The following MUC6 variants were observed in gnomAD, a reference collection of about 807,000 sequenced individuals.
MUC6 encodes the protein mucin 6, oligomeric mucus/gel-forming (gene/pseudogene).
A neutral mutation model predicts 201.5 loss-of-function variants in MUC6; 188 were observed. The observed-to-expected ratio is 0.93, with a 90% confidence interval of 0.83 to 1.05. The LOEUF is 1.05. Ranked by LOEUF, MUC6 falls within the 50% of genes least tolerant of loss-of-function variation. The pLI, the probability that MUC6 is intolerant of heterozygous loss-of-function variation, is 0.00. For missense variants in MUC6, 2,706 were observed against 3,256.9 expected (o/e 0.83, Z 4.12); for synonymous variants, 1,228 against 1,389.4 (o/e 0.88, Z 2.58).
intron 2 of MUC6, 138 bp downstream of exon 2, chr11:1,032,875 G>A: frequency 1.5e-6 from 1 of 668,300 alleles, no homozygotes; most frequent in South Asian, 2.0e-5. Context: ...GGGTGTATGT[G>A]CATGTGTGTT....
In MUC6 at chr11:1,029,040, C is replaced by A; in HGVS notation, c.1380+6G>T. 1.2e-6 allele frequency: 2 copies of A among 1,612,820 alleles called. No homozygotes were observed. Among genetic ancestry groups the A allele is most frequent in the Non-Finnish European group, 1.7e-6 (2 of 1,179,808 alleles). On this transcript the variant is annotated splice_donor_region_variant and intron_variant, in intron 11 of 32. Coordinates refer to ENST00000421673, the MANE Select transcript of MUC6 (RefSeq NM_005961.3). The stretch of plus-strand genomic sequence containing the variant: ...CTGGCAGGGATGGGCGCAGGAAAGG[C>A]CTTACCTGCCTGGAGAGGTAGACCA...
intron 21 of MUC6, 41 bp from the exon 22 acceptor site, chr11:1,025,956 G>A: frequency 6.3e-7 from 1 of 1,594,340 alleles, no homozygotes. Flanking sequence ...TGGAGGCCGT[G>A]CCTCTGGGTC....
rs1590053749 is a variant in MUC6 at position 1,030,428 on chromosome 11, C to T, written c.893-93G>A. On this transcript the variant is annotated intron_variant, in intron 7 of 32. Coordinates refer to ENST00000421673, the MANE Select transcript of MUC6 (RefSeq NM_005961.3). The stretch of plus-strand genomic sequence containing the variant: ...TGATGGAGGACTTAGCCCAGCCCTT[C>T]CTCCATCTAGAAGCAGCAGCGAGGA... The T allele has an allele frequency of 1.2e-5, 17 of 1,441,122 alleles. No homozygotes were observed. In the African/African-American group the frequency reaches 1.6e-4, roughly 13 times the overall value. 89.3% of individuals were successfully genotyped at this position (1,441,122 alleles called of 1,614,324 possible). A position where few individuals can be genotyped will look rare whatever the true frequency, so the allele number is the denominator to read the frequency against.
Position 1,031,659 on chromosome 11 carries a change from T to C in MUC6, c.431A>G (p.Lys144Arg), listed in dbSNP as rs770096962. 4.5e-6 allele frequency: 7 copies of C among 1,550,744 alleles called. No homozygotes were observed. In the Admixed American group the frequency reaches 1.4e-4, roughly 30 times the overall value. The change falls in exon 4 of 33, where the codon AAG (lysine) becomes AGG (arginine). Residue 144 changes from lysine (K) to arginine (R), a missense_variant. By Grantham distance (26) the Lys-to-Arg change is conservative. Coordinates refer to ENST00000421673, the MANE Select transcript of MUC6 (RefSeq NM_005961.3). ...PFGQSVRLVA[K>R]QLELELEVVW... ...GACTTCCAGCTCCAGCTCCAGCTGC[T>C]TGGCCACCAGCCGCACGCTCTGGCC...
chr11:1,022,119 G>C (rs12276666), intron 26 of MUC6, among the ~76,000 whole-genome samples: 3 of 118,796 alleles, frequency 2.5e-5, no homozygotes, highest in African/African-American at 3.7e-5. Context: ...GCAGCCCCGC[G>C]CCCCTCACTC....
At chr11:1,025,493 C>G in intron 22 of MUC6, 126 bp from the exon 23 acceptor site, 5 of 1,162,660 alleles carry the variant, frequency 4.3e-6, no homozygotes, top group Non-Finnish European at 6.0e-6. Flanking sequence ...GGAGCGCCTG[C>G]TGAGAGCCAG....
Position 1,029,231 on chromosome 11 carries a change from G to C in MUC6, c.1272C>G (p.Leu424=). 1 of 1,607,688 alleles carries C rather than the reference G, an allele frequency of 6.2e-7. No homozygotes were observed. Among genetic ancestry groups the C allele is most frequent in the Non-Finnish European group, 8.5e-7 (1 of 1,177,784 alleles). Residue 424 remains leucine, a synonymous_variant, in exon 10 of 33, where the codon CTC becomes CTG. Coordinates refer to ENST00000421673, the MANE Select transcript of MUC6 (RefSeq NM_005961.3). Reference sequence around the variant, plus strand: ...CGGGCCACAGGGCTCGTCCTACCTGGAGGAGGATGTAGGTGCAGGTGCCGT... The same window carrying C: ...CGGGCCACAGGGCTCGTCCTACCTGCAGGAGGATGTAGGTGCAGGTGCCGT... ...RFHGTCTYIL[L]QSPQLPEDGA... is the part of the protein sequence containing the mutation.
Position 1,029,590 on chromosome 11 carries a change from A to G in MUC6, c.1041T>C (p.Asn347=). 6.2e-7 allele frequency: 1 copy of G among 1,604,662 alleles called. No individual in the cohort carries two copies. The highest frequency in any genetic ancestry group is 8.5e-7 in the Non-Finnish European group (1 of 1,174,892). ...GGGTGACGGGCACGCAGGTGTGGTT[A>G]TTGGAGAGGTCATTCAGGACCGTAC... ...PEGTVLNDLS[N]NHTCVPVTQC... is the part of the protein sequence containing the mutation. Residue 347 remains asparagine, a synonymous_variant, in exon 9 of 33, where the codon AAT becomes AAC. Transcript: ENST00000421673.
Position 1,031,218 on chromosome 11 carries a change from G to T in MUC6, c.525C>A (p.Leu175=). 1 of 1,586,424 alleles carries T rather than the reference G, an allele frequency of 6.3e-7. No homozygotes were observed. Among genetic ancestry groups the T allele is most frequent in the East Asian group, 2.3e-5 (1 of 43,066 alleles). Residue 175 remains leucine (L), a synonymous_variant, in exon 5 of 33, where the codon CTC becomes CTA. Transcript: ENST00000421673. ...TCACCTTCCCGTCAAAGTTCCCGCA[G>T]AGCCCGCACATCTGACCCATGTACT... ...ERKYMGQMCG[L]CGNFDGKVTN...
chr11:1,026,611 T>G, intron 19 of MUC6, 133 bp from the exon 20 acceptor site: 1 of 1,166,382 alleles, frequency 8.6e-7, no homozygotes, highest in East Asian at 2.6e-5. Flanking sequence ...CTGTGGCCTT[T>G]GTGGGCAGCT....
At chr11:1,035,970 G>A (rs866611223) in intron 1 of MUC6, among the ~76,000 whole-genome samples, 9 of 152,040 alleles carry the variant, frequency 5.9e-5, no homozygotes, top group Admixed American at 1.3e-4. Context: ...TGCAGCAGCC[G>A]CAGGGCAGGC....
chr11:1,023,927 T>A lies in MUC6; in HGVS notation c.3382+20A>T. The stretch of plus-strand genomic sequence containing the variant: ...GGGTGGCAGGGGCTGGAGCAACCTG[T>A]GGGAGGGGTGGTCACTCACGGCAGA... On this transcript the variant is annotated intron_variant, in intron 25 of 32. Coordinates refer to ENST00000421673, the MANE Select transcript of MUC6 (RefSeq NM_005961.3). 2 of 1,609,534 alleles carry A rather than the reference T, an allele frequency of 1.2e-6. No homozygotes were observed. The highest frequency in any genetic ancestry group is 8.5e-7 in the Non-Finnish European group (1 of 1,178,210).
chr11:1,019,349 G>T lies in MUC6; in HGVS notation c.3956C>A (p.Ser1319Tyr). ...TASTASPATTSTAQSTTRTTM... is the reference protein window; with the variant it reads ...TASTASPATTYTAQSTTRTTM... Reference sequence around the variant, plus strand: ...GGTCCGTGTTGTGGACTGAGCTGTGGACGTCGTGGCTGGGCTGGCGGTCGA... The same window carrying T: ...GGTCCGTGTTGTGGACTGAGCTGTGTACGTCGTGGCTGGGCTGGCGGTCGA... The change falls in exon 30 of 33, where the codon TCC (serine) becomes TAC (tyrosine). Residue 1319 changes from serine (S) to tyrosine (Y), a missense_variant. Transcript: ENST00000421673. 1 of 1,613,886 alleles carries T rather than the reference G, an allele frequency of 6.2e-7. No individual in the cohort carries two copies. The highest frequency in any genetic ancestry group is 1.3e-5 in the African/African-American group (1 of 75,044).
At chr11:1,030,449 G>A (rs928582713) in intron 7 of MUC6, 114 bp from the exon 8 acceptor site, 25 of 1,360,402 alleles carry the variant, frequency 1.8e-5, no homozygotes, top group East Asian at 1.2e-4. Flanking sequence ...AAGCAGCAGC[G>A]AGGATCTCCT....
Position 1,027,857 on chromosome 11 carries a change from C to T in MUC6, c.1849-40G>A, listed in dbSNP as rs146623332. On this transcript the variant is annotated intron_variant, in intron 15 of 32. Coordinates refer to ENST00000421673, the MANE Select transcript of MUC6 (RefSeq NM_005961.3). Reference sequence around the variant, plus strand: ...CCAGCATGGGCTGGTGGCAGGCACCCTGCCCTGGGGACATGGGGGTCCCAA... The same window carrying T: ...CCAGCATGGGCTGGTGGCAGGCACCTTGCCCTGGGGACATGGGGGTCCCAA... The T allele has an allele frequency of 1.2e-4, 192 of 1,600,172 alleles. 1 individual carries two copies. In the East Asian group the frequency reaches 4.0e-3, roughly 33 times the overall value.
chr11:1,027,547 G>A (rs370853251), intron 16 of MUC6, 30 bp from the exon 17 acceptor site: 31 of 1,608,280 alleles, frequency 1.9e-5, no homozygotes, highest in African/African-American at 1.3e-4. Context: ...CAGACTCTCC[G>A]GGAGGGGGCG....
chr11:1,036,578 G>A (rs768782495), intron 1 of MUC6, 26 bp downstream of exon 1: 1 of 1,548,798 alleles, frequency 6.5e-7, no homozygotes, highest in South Asian at 1.2e-5. Context: ...GCACCGCAGT[G>A]TCTGGCGCCC....
At position 1,031,365 on chromosome 11, in the gene MUC6, C is replaced by T. The variant is rs189762595; in HGVS notation, c.484-106G>A. The T allele has an allele frequency of 7.2e-3, 8,750 of 1,221,992 alleles. 45 individuals carry two copies. The highest frequency in any genetic ancestry group is 8.9e-3 in the Non-Finnish European group (7,912 of 890,312). 75.7% of individuals were successfully genotyped at this position (1,221,992 alleles called of 1,614,324 possible). ...GGACCCAGAGCCCCCACCATCCCCCCACCTGCTCATCTGCCTCTTCTTATG... is the reference window on the plus strand; with the variant it reads ...GGACCCAGAGCCCCCACCATCCCCCTACCTGCTCATCTGCCTCTTCTTATG... On this transcript the variant is annotated intron_variant, in intron 4 of 32. Transcript: ENST00000421673.
rs942369955 is a variant in MUC6, at chr11:1,035,129, C to G, written c.52+1475G>C. On this transcript the variant is annotated intron_variant, in intron 1 of 32. Transcript: ENST00000421673. The stretch of plus-strand genomic sequence containing the variant: ...CCTCCCGGCCCACCGCGGCCCAGGC[C>G]TGCAGCCCGTCTGTCCGACCCCACA... 2.0e-5 allele frequency among the ~76,000 whole-genome samples: 3 copies of G among 152,164 alleles called. No individual in the cohort carries two copies. In the South Asian group the frequency reaches 6.2e-4, roughly 31 times the overall value.
Sources: allele counts gnomAD v4.1 joint callset (sites outside exome capture counted in the v4.1 genomes callset), GRCh38; gene constraint gnomAD v4.1.1; transcripts MANE v1.5; gene names NCBI Gene and HGNC (gene_info 2026-07-23, HGNC 2026-07-21).